CYP2J2: variants seen among roughly 807,000 people sequenced by gnomAD.
CYP2J2 encodes cytochrome P450 family 2 subfamily J member 2, also known as cytochrome P450 2J2.
In CYP2J2, 41 loss-of-function variants were observed where a neutral mutation model predicts 48.8. The observed-to-expected ratio is 0.84, with a 90% CI of 0.66 to 1.09. The LOEUF is 1.09. Ranked by LOEUF, CYP2J2 falls within the 50% of genes least tolerant of loss-of-function variation. CYP2J2 has a pLI of 0.00. For missense variants in CYP2J2, 644 were observed against 617.3 expected (o/e 1.04, Z -0.46); for synonymous variants, 221 against 227.1 (o/e 0.97, Z 0.24).
chr1:59,936,238 A>T, the CYP2J2 span, among the ~76,000 whole-genome samples: 1 of 152,244 alleles, frequency 6.6e-6, no homozygotes, highest in African/African-American at 2.4e-5. Context: ...AAGTTTGTGT[A>T]TTTGAAATCA....
chr1:59,924,751 G>C (rs908205943), intron 1 of CYP2J2, among the ~76,000 whole-genome samples: 2 of 151,522 alleles, frequency 1.3e-5, no homozygotes, highest in African/African-American at 4.8e-5. Flanking sequence ...GGAAAACAGA[G>C]GCATAAAAAA....
chr1:59,967,951 G>A, the CYP2J2 span, among the ~76,000 whole-genome samples: 5 of 152,194 alleles, frequency 3.3e-5, no homozygotes, highest in Non-Finnish European at 7.3e-5. Flanking sequence ...CCAGGTGTGT[G>A]AGTCTCACAT....
Position 59,893,362 on chromosome 1 carries a change from C to T in CYP2J2, c.*289G>A, listed in dbSNP as rs1217065428. On this transcript the variant is annotated 3_prime_UTR_variant, in exon 9 of 9. Coordinates refer to ENST00000371204, the MANE Select transcript of CYP2J2 (RefSeq NM_000775.4). ...TGGTTTACAAACCACTTAAAGCTCA[C>T]CATTTCTTTTGATTCTTACAAGAAC... 3.3e-6 allele frequency: 1 copy of T among 300,720 alleles called. No individual in the cohort carries two copies. The highest frequency in any genetic ancestry group is 5.7e-5 in the East Asian group (1 of 17,426). The allele number at this position is 300,720 out of a possible 1,614,324, so 18.6% of individuals were successfully genotyped here. A position where few individuals can be genotyped will look rare whatever the true frequency, so the allele number is the denominator to read the frequency against.
upstream of CYP2J2, among the ~76,000 whole-genome samples, chr1:59,928,841 G>A (rs761143041): frequency 1.3e-5 from 2 of 152,286 alleles, no homozygotes; most frequent in Middle Eastern, 3.4e-3. Flanking sequence ...AGAACAAGAG[G>A]ATAAACCATA....
chr1:59,903,655 C>T (rs1315537498), intron 7 of CYP2J2, among the ~76,000 whole-genome samples: 1 of 152,106 alleles, frequency 6.6e-6, no homozygotes, highest in Non-Finnish European at 1.5e-5. Context: ...CACATGTACT[C>T]CCTGAATCTA....
intron 6 of CYP2J2, among the ~76,000 whole-genome samples, chr1:59,906,646 C>T (rs1644367826): frequency 6.6e-6 from 1 of 151,920 alleles, no homozygotes; most frequent in African/African-American, 2.4e-5. Flanking sequence ...GGCTCTATAT[C>T]CCCTCCCTCA....
At chr1:59,911,380 T>C (rs1644412468) in intron 4 of CYP2J2, among the ~76,000 whole-genome samples, 1 of 152,140 alleles carries the variant, frequency 6.6e-6, no homozygotes, top group Non-Finnish European at 1.5e-5. Context: ...TCATATAACA[T>C]GTTGTACTTT....
chr1:59,909,921 C>G lies in CYP2J2; in HGVS notation c.724G>C (p.Gly242Arg). The change falls in exon 5 of 9, where the codon GGA becomes CGA. Residue 242 changes from glycine to arginine, a missense_variant. Gly to Arg is a moderately radical substitution (Grantham distance 125). Transcript: ENST00000371204. Reference protein sequence around the residue: ...VFPWIMKFLPGPHQTLFSNWK... With the variant: ...VFPWIMKFLPRPHQTLFSNWK... ...TTGCTGAAGAGAGTTTGGTGGGGTC[C>G]AGGCAGGAATTTCATTATCCATGGA... The G allele has an allele frequency of 6.2e-7, 1 of 1,609,032 alleles. No homozygotes were observed. Among genetic ancestry groups the G allele is most frequent in the Non-Finnish European group, 8.5e-7 (1 of 1,178,256 alleles).
At chr1:59,927,631 G>A (rs555849981), upstream of CYP2J2, among the ~76,000 whole-genome samples, 66 of 152,148 alleles carry the variant, frequency 4.3e-4, no homozygotes, top group African/African-American at 1.4e-3. Flanking sequence ...CTGTCGCCCA[G>A]GCTGGAGTTC....
At chr1:59,926,863 GCACC>G, upstream of CYP2J2, 5 of 943,436 alleles carry the variant, frequency 5.3e-6, no homozygotes, top group Non-Finnish European at 8.0e-6. Context: ...CCCCTTCGCA[GCACC>G]CTGCGAAGAT....
At chr1:59,936,891 A>G in the CYP2J2 span, among the ~76,000 whole-genome samples, 1 of 152,254 alleles carries the variant, frequency 6.6e-6, no homozygotes, top group African/African-American at 2.4e-5. Context: ...TTATGGGCAC[A>G]TATCATAAAT....
intron 1 of CYP2J2, among the ~76,000 whole-genome samples, chr1:59,925,469 A>G (rs1293245912): frequency 6.6e-6 from 1 of 152,214 alleles, no homozygotes; most frequent in African/African-American, 2.4e-5. Context: ...CTGAAATTGT[A>G]CATAGTATGA....
chr1:59,939,654 C>G, the CYP2J2 span, among the ~76,000 whole-genome samples: 1 of 152,176 alleles, frequency 6.6e-6, no homozygotes, highest in Non-Finnish European at 1.5e-5. Context: ...TTGTGTTCTT[C>G]CCTTCAGGGG....
At chr1:59,952,306 GCTTT>G in the CYP2J2 span, among the ~76,000 whole-genome samples, 238 of 142,738 alleles carry the variant, frequency 1.7e-3, 1 homozygote, top group Admixed American at 2.6e-3. Flanking sequence ...CTATGCGTAT[GCTTT>G]TTTTTTTTTT....
At chr1:59,932,545 G>GT in the CYP2J2 span, among the ~76,000 whole-genome samples, 2 of 152,076 alleles carry the variant, frequency 1.3e-5, no homozygotes, top group East Asian at 1.9e-4. Flanking sequence ...AATTGAGGGA[G>GT]TTTTTTACTA....
the CYP2J2 span, among the ~76,000 whole-genome samples, chr1:59,935,036 A>G: frequency 3.6e-5 from 4 of 112,674 alleles, no homozygotes; most frequent in Admixed American, 8.7e-5. Flanking sequence ...ATATATATAT[A>G]TATATATATA....
intron 1 of CYP2J2, among the ~76,000 whole-genome samples, chr1:59,916,374 C>T (rs553695179): frequency 6.6e-6 from 1 of 152,300 alleles, no homozygotes; most frequent in East Asian, 1.9e-4. Context: ...ATTCAACCAA[C>T]ATGAACTGAG....
the CYP2J2 span, among the ~76,000 whole-genome samples, chr1:59,937,574 T>C: frequency 6.6e-6 from 1 of 152,226 alleles, no homozygotes; most frequent in Non-Finnish European, 1.5e-5. Context: ...ATTTTCTTGT[T>C]CTATATAACC....
chr1:59,899,931 T>C (rs1208762703), intron 8 of CYP2J2, among the ~76,000 whole-genome samples: 4 of 152,232 alleles, frequency 2.6e-5, no homozygotes, highest in Non-Finnish European at 5.9e-5. Flanking sequence ...AAATAATCTA[T>C]GCAACATATC....
Sources: allele counts gnomAD v4.1 joint callset (sites outside exome capture counted in the v4.1 genomes callset), GRCh38; gene constraint gnomAD v4.1.1; transcripts MANE v1.5; gene names NCBI Gene and HGNC (gene_info 2026-07-23, HGNC 2026-07-21).